The following GNAT3 variants were observed in gnomAD, a reference collection of about 807,000 sequenced individuals.
The protein encoded by GNAT3 is guanine nucleotide-binding protein G(t) subunit alpha-3.
Under a neutral mutation model 37.7 loss-of-function variants are expected in GNAT3, and 31 were observed. The observed-to-expected ratio is 0.82, with a 90% CI of 0.62 to 1.11. GNAT3 has a LOEUF of 1.11. Ranked by LOEUF, GNAT3 falls within the 50% of genes most tolerant of loss-of-function variation. The probability of loss-of-function intolerance (pLI) is 0.00; values close to 1 mark genes in which losing one functional copy is unlikely to be tolerated. For missense variants in GNAT3, 437 were observed against 412.5 expected, an observed-to-expected ratio of 1.06 and a Z score of -0.51; for synonymous variants, 138 against 139.8, an observed-to-expected ratio of 0.99 and a Z score of 0.09.
chr7:80,481,966 T>C (rs1416331450), intron 3 of GNAT3, among the ~76,000 whole-genome samples: 1 of 152,234 alleles, frequency 6.6e-6, no homozygotes, highest in African/African-American at 2.4e-5. Context: ...CCTGCCTTTC[T>C]GGACCTTGCA....
intron 1 of GNAT3, 87 bp from the exon 2 acceptor site, chr7:80,494,734 A>AG (rs2116208190): frequency 2.6e-6 from 2 of 776,994 alleles, no homozygotes; most frequent in East Asian, 5.4e-5. Context: ...GATAATCTTT[A>AG]ATTTTTTTTA....
chr7:80,500,088 G>T (rs1221451068), intron 1 of GNAT3, among the ~76,000 whole-genome samples: 1 of 151,778 alleles, frequency 6.6e-6, no homozygotes, highest in Non-Finnish European at 1.5e-5. Flanking sequence ...ATGTCTTTCC[G>T]AAATGCAGTA....
intron 7 of GNAT3, among the ~76,000 whole-genome samples, chr7:80,460,605 G>T (rs1216300949): frequency 6.6e-6 from 1 of 152,074 alleles, no homozygotes; most frequent in African/African-American, 2.4e-5. Flanking sequence ...ATAATTAGCC[G>T]GGCGTGGTGG....
intron 3 of GNAT3, among the ~76,000 whole-genome samples, chr7:80,487,301 C>T (rs1790505732): frequency 6.6e-6 from 1 of 152,064 alleles, no homozygotes; most frequent in Non-Finnish European, 1.5e-5. Context: ...TTCGACTCCT[C>T]CAAGTTCCCC....
chr7:80,462,283 G>C lies in GNAT3; in HGVS notation c.750C>G (p.Phe250Leu). The C allele has an allele frequency of 1.2e-6, 2 of 1,612,960 alleles. No individual in the cohort carries two copies. Among genetic ancestry groups the C allele is most frequent in the East Asian group, 4.5e-5 (2 of 44,824 alleles). Reference protein sequence around the residue: ...VNRMHESLHLFNSICNHKYFS... With the variant: ...VNRMHESLHLLNSICNHKYFS... ...AATACTTGTGATTACAGATACTGTT[G>C]AACAGGTGAAGGCTTTCATGCATTC... Residue 250 changes from phenylalanine to leucine, a missense_variant, in exon 7 of 8, where the codon TTC (phenylalanine) becomes TTG (leucine). Transcript: ENST00000398291.
intron 1 of GNAT3, among the ~76,000 whole-genome samples, chr7:80,499,919 A>G (rs1790801732): frequency 6.6e-6 from 1 of 152,186 alleles, no homozygotes; most frequent in Admixed American, 6.5e-5. Context: ...ATACACTAAT[A>G]TATAGTGAGC....
intron 1 of GNAT3, among the ~76,000 whole-genome samples, chr7:80,510,049 C>T (rs546446493): frequency 7.9e-5 from 12 of 152,184 alleles, no homozygotes; most frequent in African/African-American, 2.9e-4. Flanking sequence ...AGTCACCGTG[C>T]TGAACAGTAG....
intron 2 of GNAT3, among the ~76,000 whole-genome samples, chr7:80,491,287 T>C (rs1790586579): frequency 6.6e-6 from 1 of 152,178 alleles, no homozygotes; most frequent in South Asian, 2.1e-4. Flanking sequence ...TAATTAATTT[T>C]AGGGCGATAG....
intron 1 of GNAT3, among the ~76,000 whole-genome samples, chr7:80,499,998 G>T (rs1790803520): frequency 6.6e-6 from 1 of 152,054 alleles, no homozygotes. Flanking sequence ...AGTATAATAT[G>T]ATCCACTCCT....
rs77587485 is a variant in GNAT3, at chr7:80,472,306, G to A, written c.590+1945C>T. 1.5e-3 allele frequency among the ~76,000 whole-genome samples: 227 copies of A among 152,166 alleles called. 3 individuals are homozygous for A. In the East Asian group the frequency reaches 0.039, roughly 26 times the overall value. On this transcript the variant is annotated intron_variant, in intron 5 of 7. Coordinates refer to ENST00000398291, the MANE Select transcript of GNAT3 (RefSeq NM_001102386.3). ...GGGTTATTTGCACCAGAAAAATCAA[G>A]AGCTACAATCAGCCAGCCCTCCATC...
At chr7:80,511,696 T>A in intron 1 of GNAT3, 113 bp downstream of exon 1, 1 of 609,498 alleles carries the variant, frequency 1.6e-6, no homozygotes, top group Non-Finnish European at 2.9e-6. Context: ...AACACATTTT[T>A]ATAATAAATT....
chr7:80,474,434 C>T, intron 4 of GNAT3, 55 bp from the exon 5 acceptor site: 32 of 745,888 alleles, frequency 4.3e-5, no homozygotes, highest in Non-Finnish European at 6.8e-5. Context: ...TAAATACATA[C>T]ATATATGTAT....
In GNAT3 at chr7:80,462,527, A is replaced by G. The variant is rs757152594; in HGVS notation, c.695T>C (p.Met232Thr). 2.5e-6 allele frequency: 4 copies of G among 1,613,562 alleles called. No individual in the cohort carries two copies. The Admixed American group carries it at 6.7e-5, about 27-fold the overall frequency. Residue 232 changes from methionine (M) to threonine (T), a missense_variant, in exon 6 of 8, where the codon ATG becomes ACG. Transcript: ENST00000398291. Reference protein sequence around the residue: ...IFCAALSAYDMVLVEDEEVNR... With the variant: ...IFCAALSAYDTVLVEDEEVNR... ...CACTTCTTCGTCTTCCACGAGGACC[A>G]TGTCATAGGCACTAAGTGCAGCACA...
intron 1 of GNAT3, among the ~76,000 whole-genome samples, chr7:80,497,581 TATATACATATAC>T (rs1790745789): frequency 7.2e-6 from 1 of 138,010 alleles, no homozygotes; most frequent in Non-Finnish European, 1.6e-5. Flanking sequence ...TACATATACG[TATATACATATAC>T]GTATATACAT....
chr7:80,478,603 T>C (rs540329479), intron 4 of GNAT3, among the ~76,000 whole-genome samples: 3 of 152,308 alleles, frequency 2.0e-5, no homozygotes, highest in South Asian at 2.1e-4. Context: ...CACCATAGAA[T>C]CTTCTCAGGC....
In GNAT3 at chr7:80,479,017, G is replaced by A. The variant is rs772082111; in HGVS notation, c.304-19C>T. 7.1e-6 allele frequency: 11 copies of A among 1,557,336 alleles called. No individual in the cohort carries two copies. The highest frequency in any genetic ancestry group is 8.7e-6 in the Non-Finnish European group (10 of 1,147,256). ...GGTCCTCCTAGAACAATATTTTGGT[G>A]AGAATAAGTATGTATTATTTGGAAT... On this transcript the variant is annotated intron_variant, in intron 3 of 7. Transcript: ENST00000398291.
chr7:80,466,151 A>C (rs1021971954), intron 5 of GNAT3, among the ~76,000 whole-genome samples: 1 of 152,096 alleles, frequency 6.6e-6, no homozygotes, highest in African/African-American at 2.4e-5. Context: ...GAGCCAAGAC[A>C]AAGAGTAATG....
intron 1 of GNAT3, among the ~76,000 whole-genome samples, chr7:80,506,809 A>G (rs1790952811): frequency 6.6e-6 from 1 of 152,138 alleles, no homozygotes; most frequent in Non-Finnish European, 1.5e-5. Flanking sequence ...TGAAATATAT[A>G]TACATTGTGA....
At chr7:80,507,120 A>G (rs1790959977) in intron 1 of GNAT3, among the ~76,000 whole-genome samples, 1 of 152,064 alleles carries the variant, frequency 6.6e-6, no homozygotes, top group South Asian at 2.1e-4. Flanking sequence ...ACCAGTGATC[A>G]GAAGGGGACT....
Sources: allele counts gnomAD v4.1 joint callset (sites outside exome capture counted in the v4.1 genomes callset), GRCh38; gene constraint gnomAD v4.1.1; transcripts MANE v1.5; gene names NCBI Gene and HGNC (gene_info 2026-07-23, HGNC 2026-07-21).